The following PAX7 variants were observed in gnomAD, a reference collection of about 807,000 sequenced individuals.
The protein encoded by PAX7 is paired box 7.
A neutral mutation model predicts 50.7 loss-of-function variants in PAX7; 18 were observed. The observed-to-expected ratio is 0.36, with a 90% CI of 0.25 to 0.53. The LOEUF (loss-of-function observed/expected upper bound fraction) is 0.53. Ranked by LOEUF, PAX7 falls within the 20% of genes least tolerant of loss-of-function variation. The pLI is 0.93. For missense variants in PAX7, 644 were observed against 702.9 expected, an observed-to-expected ratio of 0.92 and a Z score of 0.95; for synonymous variants, 310 against 290.4, an observed-to-expected ratio of 1.07 and a Z score of -0.69.
At chr1:18,685,208 A>G (rs529832751) in intron 4 of PAX7, among the ~76,000 whole-genome samples, 26 of 152,272 alleles carry the variant, frequency 1.7e-4, no homozygotes, top group African/African-American at 6.0e-4. Context: ...TGGGGATAAC[A>G]CTGCCTGCCT....
intron 4 of PAX7, among the ~76,000 whole-genome samples, chr1:18,669,404 T>C (rs575017317): frequency 6.6e-6 from 1 of 152,172 alleles, no homozygotes; most frequent in Non-Finnish European, 1.5e-5. Context: ...TCAGGAGATC[T>C]GCTGTTGGCC....
rs1024404802 is a variant in PAX7, at chr1:18,699,027, C to G, written c.787-1626C>G. Among the ~76,000 whole-genome samples, 3 of 152,198 alleles carry G rather than the reference C, an allele frequency of 2.0e-5. No individual in the cohort carries two copies. In the East Asian group the frequency reaches 5.8e-4, roughly 29 times the overall value. ...TTCACCCCCCATCAGGATGGAACACCAACCAAGCCTTGTAGCCCCAGCCCC... is the reference window on the plus strand; with the variant it reads ...TTCACCCCCCATCAGGATGGAACACGAACCAAGCCTTGTAGCCCCAGCCCC... On this transcript the variant is annotated intron_variant, in intron 5 of 8. Transcript: ENST00000420770.
At chr1:18,721,643 G>A (rs1369598643) in intron 7 of PAX7, among the ~76,000 whole-genome samples, 1 of 152,250 alleles carries the variant, frequency 6.6e-6, no homozygotes, top group Non-Finnish European at 1.5e-5. Context: ...GCTGCTGGGG[G>A]CCTCTGGGGA....
intron 4 of PAX7, among the ~76,000 whole-genome samples, chr1:18,686,457 C>T (rs991787366): frequency 2.0e-5 from 3 of 152,164 alleles, no homozygotes; most frequent in East Asian, 1.9e-4. Flanking sequence ...CTGCGTACCC[C>T]GAATCTGGCT....
Position 18,735,002 on chromosome 1 carries a change from G to A in PAX7, c.1156-630G>A, listed in dbSNP as rs1009413053. ...CGGAACCTGGCCAGGCAGGGAAGGA[G>A]GGGATGCTCACAGACCTCAGGAGCT... is the stretch of plus-strand genomic sequence containing the variant. On this transcript the variant is annotated intron_variant, in intron 7 of 8. Transcript: ENST00000420770. The surrounding 1 kb of genome is among the most constrained non-coding windows in gnomAD (Gnocchi z 4.0). Among the ~76,000 whole-genome samples, 2 of 152,206 alleles carry A rather than the reference G, an allele frequency of 1.3e-5. No homozygotes were observed. The highest frequency in any genetic ancestry group is 1.9e-4 in the East Asian group (1 of 5,200).
chr1:18,742,279 T>A (rs1931190894), intron 8 of PAX7, among the ~76,000 whole-genome samples: 1 of 148,754 alleles, frequency 6.7e-6, no homozygotes, highest in Non-Finnish European at 1.5e-5. Flanking sequence ...TGCCTCAGCA[T>A]CCCGAGTAGC....
chr1:18,680,693 C>A (rs61760717), intron 4 of PAX7, among the ~76,000 whole-genome samples: 1 of 152,150 alleles, frequency 6.6e-6, no homozygotes, highest in East Asian at 1.9e-4. Context: ...TAGGACCAAG[C>A]GGGCAAGCCC....
chr1:18,690,517 G>A (rs1035266761), intron 4 of PAX7, among the ~76,000 whole-genome samples: 3 of 152,182 alleles, frequency 2.0e-5, no homozygotes, highest in Admixed American at 6.5e-5. Flanking sequence ...TGATACCTGG[G>A]TGTCTCAGCC....
At chr1:18,732,827 T>A (rs1017758132) in intron 7 of PAX7, among the ~76,000 whole-genome samples, 1 of 151,994 alleles carries the variant, frequency 6.6e-6, no homozygotes, top group Non-Finnish European at 1.5e-5. Flanking sequence ...ATCCCCCGAC[T>A]CCTCCCCTCC....
chr1:18,634,937 G>A lies in PAX7; in HGVS notation c.322-174G>A, dbSNP rs1397082495. ...TGGCCAGACCCCCAGCTGCCTTCCTGGGAGCCAGGAACCGGTTTCTTGAAA... is the reference window on the plus strand; with the variant it reads ...TGGCCAGACCCCCAGCTGCCTTCCTAGGAGCCAGGAACCGGTTTCTTGAAA... On this transcript the variant is annotated intron_variant, in intron 2 of 8. Transcript: ENST00000420770. The surrounding 1 kb of genome is among the most constrained non-coding windows in gnomAD (Gnocchi z 4.0). Among the ~76,000 whole-genome samples the A allele has an allele frequency of 1.3e-5, 2 of 152,060 alleles. No homozygotes were observed. Among genetic ancestry groups the A allele is most frequent in the African/African-American group, 4.8e-5 (2 of 41,402 alleles).
At chr1:18,738,751 G>T (rs1005120784) in intron 8 of PAX7, among the ~76,000 whole-genome samples, 2 of 152,098 alleles carry the variant, frequency 1.3e-5, no homozygotes, top group Non-Finnish European at 2.9e-5. Flanking sequence ...AAGCTGGGAG[G>T]GAAGGGCTGG....
chr1:18,646,078 T>C (rs1168328789), intron 4 of PAX7, among the ~76,000 whole-genome samples: 1 of 152,186 alleles, frequency 6.6e-6, no homozygotes, highest in African/African-American at 2.4e-5. Flanking sequence ...TTCTCCTCCC[T>C]CCCGCTGCCT....
rs35982827 is a variant in PAX7 at position 18,726,145 on chromosome 1, AGTGTGTGTGT to A, written c.1156-9462_1156-9453del. On this transcript the variant is annotated intron_variant, in intron 7 of 8. Coordinates refer to ENST00000420770, the MANE Select transcript of PAX7 (RefSeq NM_001135254.2). This position sits in a 1 kb window ranked among gnomAD's most constrained non-coding sequence, Gnocchi z 4.8. ...ATAAAACAGACATTGGAAGAGTGTG[AGTGTGTGTGT>A]GTGTGTGTGTGTGTGTGTGTGTGTC... Among the ~76,000 whole-genome samples the A allele has an allele frequency of 0.17, 23,110 of 137,504 alleles. 1,611 individuals are homozygous for A. Among genetic ancestry groups the A allele is most frequent in the Middle Eastern group, 0.23 (60 of 260 alleles). The allele number at this position is 137,504 out of a possible 152,430, so 90.2% of individuals were successfully genotyped here.
chr1:18,717,272 A>T (rs924576881), intron 7 of PAX7, among the ~76,000 whole-genome samples: 1 of 152,068 alleles, frequency 6.6e-6, no homozygotes, highest in East Asian at 1.9e-4. Flanking sequence ...TCGCTCGTCC[A>T]GTCTTGGTCG....
intron 4 of PAX7, among the ~76,000 whole-genome samples, chr1:18,666,764 G>A (rs1161405739): frequency 6.6e-6 from 1 of 152,218 alleles, no homozygotes; most frequent in East Asian, 1.9e-4. Context: ...GCTCCACCTG[G>A]AGACAGGCTT....
chr1:18,633,264 A>G (rs2088086923), intron 1 of PAX7, among the ~76,000 whole-genome samples: 1 of 152,160 alleles, frequency 6.6e-6, no homozygotes, highest in African/African-American at 2.4e-5. Flanking sequence ...CGGCTGTGAA[A>G]TCGTTCTAAT....
chr1:18,662,365 G>A (rs956117088), intron 4 of PAX7, among the ~76,000 whole-genome samples: 4 of 152,154 alleles, frequency 2.6e-5, no homozygotes, highest in Non-Finnish European at 5.9e-5. Context: ...GTTCCATGAG[G>A]CGACCTTTCT....
chr1:18,638,063 A>G (rs2088191087), intron 4 of PAX7, among the ~76,000 whole-genome samples: 2 of 152,382 alleles, frequency 1.3e-5, no homozygotes, highest in South Asian at 4.1e-4. Flanking sequence ...TAGAACTCGA[A>G]TAATCTTTCC....
At chr1:18,725,309 C>G (rs75636919) in intron 7 of PAX7, among the ~76,000 whole-genome samples, 673 of 57,196 alleles carry the variant, frequency 0.012, 20 homozygotes, top group African/African-American at 0.079. Context: ...GACGCCCCCC[C>G]CCCGCCCCAC....
Sources: gnomAD v4.1 joint callset for allele counts (sites outside exome capture counted in the v4.1 genomes callset) on GRCh38, gnomAD v4.1.1 for gene constraint, Gnocchi (gnomAD v3.1) non-coding constraint, MANE v1.5 for transcripts, NCBI Gene and HGNC (gene_info 2026-07-23, HGNC 2026-07-21) for gene names.